The following ADAMTS17 variants were observed in gnomAD, a reference collection of about 807,000 sequenced individuals.
The protein encoded by ADAMTS17 is ADAM metallopeptidase with thrombospondin type 1 motif 17.
A neutral mutation model predicts 141.5 loss-of-function variants in ADAMTS17; 113 were observed. The observed-to-expected ratio is 0.80, with a 90% confidence interval of 0.69 to 0.93. ADAMTS17 has a LOEUF of 0.93. Among genes scored for constraint, ADAMTS17 ranks in the 40% least tolerant of loss-of-function variants. The pLI, the probability that ADAMTS17 is intolerant of heterozygous loss-of-function variation, is 0.00. For missense variants in ADAMTS17, 1,659 were observed against 1,517.9 expected (o/e 1.09, Z -1.54); for synonymous variants, 768 against 630.6 (o/e 1.22, Z -3.27).
intron 10 of ADAMTS17, 84 bp downstream of exon 10, chr15:100,152,528 C>G: frequency 6.3e-7 from 1 of 1,581,982 alleles, no homozygotes; most frequent in Non-Finnish European, 8.6e-7. Context: ...TGTGAATGCC[C>G]ATGTCCTCCA....
chr15:100,020,918 T>G (rs1210555435), intron 18 of ADAMTS17, among the ~76,000 whole-genome samples: 1 of 152,182 alleles, frequency 6.6e-6, no homozygotes, highest in Non-Finnish European at 1.5e-5. Flanking sequence ...CCTCCTCATT[T>G]TCTCCTGCTT....
At position 99,977,378 on chromosome 15, in the gene ADAMTS17, ATATATATATATATATATATATAATTTTTT is replaced by A. The variant is rs1449007483; in HGVS notation, c.2950-1185_2950-1157del. 4.4e-3 allele frequency among the ~76,000 whole-genome samples: 94 copies of A among 21,178 alleles called. 4 individuals are homozygous for A. Among genetic ancestry groups the A allele is most frequent in the Non-Finnish European group, 5.9e-3 (75 of 12,716 alleles). The allele number at this position is 21,178 out of a possible 152,430, so 13.9% of individuals were successfully genotyped here. On this transcript the variant is annotated intron_variant, in intron 20 of 21. Coordinates refer to ENST00000268070, the MANE Select transcript of ADAMTS17 (RefSeq NM_139057.4). ...TATATATATATATATATATATATAT[ATATATATATATATATATATATAATTTTTT>A]TTTTTTTTTTTTTTTTTTTTTTGAG...
At chr15:100,153,581 T>A (rs552769489) in intron 9 of ADAMTS17, among the ~76,000 whole-genome samples, 2 of 152,222 alleles carry the variant, frequency 1.3e-5, no homozygotes, top group Non-Finnish European at 2.9e-5. Context: ...GAGGCTGAGG[T>A]TGCAGTGAGC....
At chr15:100,251,590 T>A (rs940003075) in intron 7 of ADAMTS17, among the ~76,000 whole-genome samples, 4 of 152,156 alleles carry the variant, frequency 2.6e-5, no homozygotes, top group African/African-American at 7.2e-5. Context: ...CCAGGCTTGG[T>A]GGCAGGCACC....
chr15:100,153,405 C>T lies in ADAMTS17; in HGVS notation c.1323-643G>A, dbSNP rs534223060. Among the ~76,000 whole-genome samples the T allele has an allele frequency of 3.7e-4, 56 of 152,190 alleles. 1 individual carries two copies. The highest frequency in any genetic ancestry group is 8.5e-4 in the Admixed American group (13 of 15,294). ...CCAGTAATCCCAGCACTTTGGGAGG[C>T]TGAGGTGGGTGGATCACTTGAGGTC... On this transcript the variant is annotated intron_variant, in intron 9 of 21. Transcript: ENST00000268070.
At chr15:100,092,153 G>A (rs142603055) in intron 15 of ADAMTS17, among the ~76,000 whole-genome samples, 1 of 152,340 alleles carries the variant, frequency 6.6e-6, no homozygotes, top group African/African-American at 2.4e-5. Context: ...GTGTGCTTGA[G>A]GGGAAAGAAA....
In ADAMTS17 at chr15:100,152,670, G is replaced by C; in HGVS notation, c.1415C>G (p.Ala472Gly). The C allele has an allele frequency of 6.2e-7, 1 of 1,614,174 alleles. No homozygotes were observed. The highest frequency in any genetic ancestry group is 1.1e-5 in the South Asian group (1 of 91,082). The change falls in exon 10 of 22, where the codon GCC (alanine) becomes GGC (glycine). Residue 472 changes from alanine to glycine, a missense_variant. Transcript: ENST00000268070. Reference sequence around the variant, plus strand: ...AAACAGGATCTGGCACTGCTCGTTGGCACTGTAGTGCATGCCCGGCAGCTT... The same window carrying C: ...AAACAGGATCTGGCACTGCTCGTTGCCACTGTAGTGCATGCCCGGCAGCTT... ...PHKLPGMHYS[A>G]NEQCQILFGM...
At chr15:100,195,639 A>G (rs993738653) in intron 8 of ADAMTS17, among the ~76,000 whole-genome samples, 11 of 147,788 alleles carry the variant, frequency 7.4e-5, no homozygotes, top group African/African-American at 2.7e-4. Context: ...AAAAAAAAGA[A>G]GCTGTCAATC....
chr15:100,286,291 G>A (rs1339672181), intron 3 of ADAMTS17, among the ~76,000 whole-genome samples: 3 of 152,140 alleles, frequency 2.0e-5, no homozygotes, highest in African/African-American at 7.2e-5. Context: ...ACCGCCCTAC[G>A]CACCTCCACT....
chr15:100,243,700 G>C (rs1322352974), intron 7 of ADAMTS17, among the ~76,000 whole-genome samples: 5 of 150,696 alleles, frequency 3.3e-5, no homozygotes, highest in African/African-American at 4.9e-5. Context: ...TGAGGCAGGA[G>C]AACTGCTGGA....
intron 15 of ADAMTS17, among the ~76,000 whole-genome samples, chr15:100,078,847 T>C (rs1294295445): frequency 2.0e-5 from 3 of 152,140 alleles, no homozygotes; most frequent in Admixed American, 2.0e-4. Flanking sequence ...CCAGAATATA[T>C]AAAGAAAGCT....
intron 18 of ADAMTS17, among the ~76,000 whole-genome samples, chr15:100,022,934 G>T (rs1269283147): frequency 6.6e-6 from 1 of 152,130 alleles, no homozygotes; most frequent in Non-Finnish European, 1.5e-5. Context: ...CTTTTGCTCA[G>T]CAAGTATCTT....
intron 15 of ADAMTS17, among the ~76,000 whole-genome samples, chr15:100,075,598 C>G (rs1036089427): frequency 1.3e-5 from 2 of 152,142 alleles, no homozygotes; most frequent in Non-Finnish European, 2.9e-5. Context: ...TCAAAAGAGT[C>G]TTACCTTTAA....
intron 20 of ADAMTS17, among the ~76,000 whole-genome samples, chr15:99,982,996 T>C (rs2060511314): frequency 1.3e-5 from 2 of 152,222 alleles, no homozygotes; most frequent in Middle Eastern, 3.2e-3. Flanking sequence ...ACTCATGTGC[T>C]TTTTTTGTGT....
At chr15:100,281,547 T>A in intron 3 of ADAMTS17, 146 bp from the exon 4 acceptor site, 2 of 1,086,862 alleles carry the variant, frequency 1.8e-6, no homozygotes, top group South Asian at 2.7e-5. Context: ...ATCTCCACCG[T>A]CATGTGGGTG....
At chr15:100,224,649 ACT>A (rs1173325111) in intron 7 of ADAMTS17, among the ~76,000 whole-genome samples, 3 of 152,106 alleles carry the variant, frequency 2.0e-5, no homozygotes, top group African/African-American at 4.8e-5. Flanking sequence ...CTTCCCCAGT[ACT>A]CTCTCTGATC....
At chr15:100,092,554 T>A (rs995179308) in intron 15 of ADAMTS17, among the ~76,000 whole-genome samples, 1 of 152,210 alleles carries the variant, frequency 6.6e-6, no homozygotes, top group African/African-American at 2.4e-5. Context: ...CGATTCTTCA[T>A]CACAGTGTAA....
At chr15:100,010,583 A>C (rs2061145141) in intron 18 of ADAMTS17, among the ~76,000 whole-genome samples, 1 of 152,246 alleles carries the variant, frequency 6.6e-6, no homozygotes, top group Admixed American at 6.5e-5. Context: ...TTCCCAAAAA[A>C]GACCAGCGTC....
chr15:100,054,924 C>T (rs1336653956), intron 15 of ADAMTS17, among the ~76,000 whole-genome samples: 1 of 152,192 alleles, frequency 6.6e-6, no homozygotes, highest in African/African-American at 2.4e-5. Flanking sequence ...TGTCTTCCCA[C>T]TTCGGGGTGA....
Sources: gnomAD v4.1 joint callset for allele counts (sites outside exome capture counted in the v4.1 genomes callset) on GRCh38, gnomAD v4.1.1 for gene constraint, MANE v1.5 for transcripts, NCBI Gene and HGNC (gene_info 2026-07-23, HGNC 2026-07-21) for gene names.